Variants in DNAH9 observed in about 807,000 individuals in gnomAD.
DNAH9 encodes the protein dynein axonemal heavy chain 9, also known as DNAH9 variant protein.
In DNAH9, 345 loss-of-function variants were observed where a neutral mutation model predicts 471.6. The ratio of observed to expected loss-of-function variants is 0.73; its 90% CI spans 0.67 to 0.80. The LOEUF is 0.80. Ranked by LOEUF, DNAH9 falls within the 30% of genes least tolerant of loss-of-function variation. DNAH9 has a pLI of 0.00. For missense variants in DNAH9, 5,407 were observed against 5,609.2 expected (o/e 0.96, Z 1.15); for synonymous variants, 2,093 against 2,123.6 (o/e 0.99, Z 0.40).
rs566994445 is a variant in DNAH9 at position 11,789,274 on chromosome 17, T to G, written c.8062-4229T>G. Among the ~76,000 whole-genome samples the G allele has an allele frequency of 3.9e-5, 6 of 152,152 alleles. No homozygotes were observed. In the South Asian group the frequency reaches 1.2e-3, roughly 31 times the overall value. ...TTCTCTAAAAGATTTAGTAAAACAT[T>G]GTATTGTGCTTTCCTTAAATGTTGG... On this transcript the variant is annotated intron_variant, in intron 41 of 68. Transcript: ENST00000262442.
chr17:11,949,543 G>A lies in DNAH9; in HGVS notation c.12843+7058G>A, dbSNP rs191598784. Among the ~76,000 whole-genome samples the A allele has an allele frequency of 1.1e-3, 161 of 151,772 alleles. 1 individual carries two copies. Among genetic ancestry groups the A allele is most frequent in the Non-Finnish European group, 1.0e-3 (68 of 67,964 alleles). ...GTTGTCCAGGCTGGAGTGCAATGGC[G>A]CAATCTCAGCTCACCGCAACCTCTA... is the stretch of plus-strand genomic sequence containing the variant. On this transcript the variant is annotated intron_variant, in intron 67 of 68. Transcript: ENST00000262442.
intron 68 of DNAH9, among the ~76,000 whole-genome samples, chr17:11,964,687 G>C (rs1391585439): frequency 6.6e-6 from 1 of 152,180 alleles, no homozygotes; most frequent in South Asian, 2.1e-4. Context: ...ATCTCAGTAG[G>C]AAGAACAGTC....
intron 17 of DNAH9, among the ~76,000 whole-genome samples, chr17:11,672,362 C>G (rs938275683): frequency 6.6e-6 from 1 of 152,170 alleles, no homozygotes; most frequent in African/African-American, 2.4e-5. Flanking sequence ...CAACTGAAAC[C>G]TGGCTCCCTT....
Position 11,969,636 on chromosome 17 carries a change from G to A in DNAH9, c.*109G>A, listed in dbSNP as rs1977053122. The A allele has an allele frequency of 1.1e-6, 1 of 898,728 alleles. No individual in the cohort carries two copies. Among genetic ancestry groups the A allele is most frequent in the Non-Finnish European group, 1.6e-6 (1 of 607,624 alleles). The allele number at this position is 898,728 out of a possible 1,614,324, so 55.7% of individuals were successfully genotyped here. On this transcript the variant is annotated 3_prime_UTR_variant, in exon 69 of 69. Coordinates refer to ENST00000262442, the MANE Select transcript of DNAH9 (RefSeq NM_001372.4). ...CACTTAGAACGGTAAGAAACCATGA[G>A]CACTCACAATTCTGTAGAATTCCTC...
chr17:11,802,480 A>G (rs1969499374), intron 43 of DNAH9, among the ~76,000 whole-genome samples: 1 of 151,888 alleles, frequency 6.6e-6, no homozygotes, highest in Non-Finnish European at 1.5e-5. Context: ...AATACCAAAA[A>G]ACTTAGCCAG....
intron 31 of DNAH9, among the ~76,000 whole-genome samples, chr17:11,746,890 A>C (rs944598252): frequency 1.3e-5 from 2 of 152,194 alleles, no homozygotes; most frequent in Non-Finnish European, 2.9e-5. Flanking sequence ...ACTTGAGGAC[A>C]TACTACAGCA....
At chr17:11,836,546 C>T (rs906934078) in intron 49 of DNAH9, among the ~76,000 whole-genome samples, 4 of 152,062 alleles carry the variant, frequency 2.6e-5, no homozygotes, top group African/African-American at 9.7e-5. Flanking sequence ...CCGGCTGTAC[C>T]ACTGTTTCTG....
At chr17:11,666,078 A>G (rs1392593237) in intron 15 of DNAH9, among the ~76,000 whole-genome samples, 2 of 152,216 alleles carry the variant, frequency 1.3e-5, no homozygotes, top group Admixed American at 6.5e-5. Flanking sequence ...ATAGTTAGCA[A>G]GGTAAGAGAT....
At chr17:11,726,863 C>T (rs2075161304) in intron 27 of DNAH9, among the ~76,000 whole-genome samples, 1 of 151,998 alleles carries the variant, frequency 6.6e-6, no homozygotes, top group Non-Finnish European at 1.5e-5. Context: ...CCCTGACCAA[C>T]ATGGTGAAAC....
chr17:11,635,295 T>A (rs1302953237), intron 8 of DNAH9, among the ~76,000 whole-genome samples: 1 of 151,302 alleles, frequency 6.6e-6, no homozygotes. Context: ...GCTTCTCGAG[T>A]AGCTGGGATT....
At position 11,853,636 on chromosome 17, in the gene DNAH9, A is replaced by C. The variant is rs57569711; in HGVS notation, c.9508-367A>C. Among the ~76,000 whole-genome samples the C allele has an allele frequency of 7.5e-4, 115 of 152,362 alleles. 1 individual carries two copies. Among genetic ancestry groups the C allele is most frequent in the African/African-American group, 2.6e-3 (110 of 41,590 alleles). ...TTACAGTGCTATTCTCTTCAATCCA[A>C]GATGGAAATTAATTTATAATAACCT... On this transcript the variant is annotated intron_variant, in intron 49 of 68. Transcript: ENST00000262442.
intron 33 of DNAH9, among the ~76,000 whole-genome samples, chr17:11,756,335 G>A (rs1163431080): frequency 1.3e-5 from 2 of 151,664 alleles, no homozygotes; most frequent in East Asian, 3.9e-4. Flanking sequence ...AGAACTGTAT[G>A]GGGGAAACCA....
chr17:11,726,416 G>A (rs1489719358), intron 27 of DNAH9, among the ~76,000 whole-genome samples: 2 of 152,166 alleles, frequency 1.3e-5, no homozygotes, highest in Non-Finnish European at 2.9e-5. Flanking sequence ...GGCCAAAACG[G>A]GTTGAAGAAT....
At chr17:11,917,033 G>A (rs1973981654) in intron 61 of DNAH9, among the ~76,000 whole-genome samples, 1 of 152,226 alleles carries the variant, frequency 6.6e-6, no homozygotes, top group Non-Finnish European at 1.5e-5. Flanking sequence ...CAATTGTGAA[G>A]GAGGAGGAGG....
intron 52 of DNAH9, among the ~76,000 whole-genome samples, chr17:11,873,773 G>C (rs544668924): frequency 6.3e-5 from 9 of 142,738 alleles, no homozygotes; most frequent in African/African-American, 1.9e-4. Flanking sequence ...TGTTGAATGA[G>C]TATGGGATTT....
chr17:11,868,534 G>A (rs2150983749), intron 50 of DNAH9, among the ~76,000 whole-genome samples: 1 of 152,142 alleles, frequency 6.6e-6, no homozygotes, highest in African/African-American at 2.4e-5. Flanking sequence ...GAGACTAGAT[G>A]AGGTTAAGTA....
rs529464238 is a variant in DNAH9, at chr17:11,764,000, A to C, written c.7170+386A>C. 2.0e-5 allele frequency among the ~76,000 whole-genome samples: 3 copies of C among 152,334 alleles called. No individual in the cohort carries two copies. In the East Asian group the frequency reaches 5.8e-4, roughly 29 times the overall value. ...AAGCTTGAGTGGAAGGAAACCCTTC[A>C]GTTTTCTTAAAAACCTCTAGAACAA... On this transcript the variant is annotated intron_variant, in intron 36 of 68. Transcript: ENST00000262442.
intron 14 of DNAH9, among the ~76,000 whole-genome samples, chr17:11,660,691 T>G (rs2073745687): frequency 6.6e-6 from 1 of 152,220 alleles, no homozygotes; most frequent in African/African-American, 2.4e-5. Flanking sequence ...TATTCAGAGC[T>G]TCTCTGGATA....
chr17:11,642,869 C>T (rs943059443), intron 10 of DNAH9, among the ~76,000 whole-genome samples: 6 of 151,768 alleles, frequency 4.0e-5, no homozygotes, highest in African/African-American at 1.5e-4. Flanking sequence ...TGCATCTGCT[C>T]TTTCATCACA....
Sources: allele counts gnomAD v4.1 joint callset (sites outside exome capture counted in the v4.1 genomes callset), GRCh38; gene constraint gnomAD v4.1.1; transcripts MANE v1.5; gene names NCBI Gene and HGNC (gene_info 2026-07-23, HGNC 2026-07-21).